The following NHSL1 variants were observed in gnomAD, a reference collection of about 807,000 sequenced individuals.
NHSL1 encodes NHS-like protein 1.
In NHSL1, 48 loss-of-function variants were observed where a neutral mutation model predicts 95.0. The observed-to-expected ratio is 0.51, with a 90% confidence interval of 0.40 to 0.64. The LOEUF (loss-of-function observed/expected upper bound fraction) is 0.64, where lower values mean the gene tolerates loss of function less well. Among genes scored for constraint, NHSL1 ranks in the 30% least tolerant of loss-of-function variants. The pLI, the probability that NHSL1 is intolerant of heterozygous loss-of-function variation, is 0.00. For synonymous variants in NHSL1, 783 were observed against 833.9 expected (o/e 0.94, Z 1.05); for missense variants, 1,971 against 2,077.7 (o/e 0.95, Z 1.00).
chr6:138,458,639 C>A (rs886553849), intron 3 of NHSL1, among the ~76,000 whole-genome samples: 3 of 151,902 alleles, frequency 2.0e-5, no homozygotes, highest in African/African-American at 4.8e-5. Flanking sequence ...CCATCCTGGC[C>A]ACATGGTGAA....
intron 2 of NHSL1, among the ~76,000 whole-genome samples, chr6:138,484,495 G>A (rs997510811): frequency 6.6e-6 from 1 of 152,142 alleles, no homozygotes; most frequent in African/African-American, 2.4e-5. Context: ...AAGAACCACA[G>A]AGGGAAAATA....
At chr6:138,627,526 T>C (rs1289340292) in intron 1 of NHSL1, among the ~76,000 whole-genome samples, 1 of 152,180 alleles carries the variant, frequency 6.6e-6, no homozygotes, top group Non-Finnish European at 1.5e-5. Context: ...GCTTCTTTAA[T>C]CGTCAGAAAA....
In NHSL1 at chr6:138,437,703, T is replaced by G. The variant is rs112349000; in HGVS notation, c.665-4023A>C. 1.9e-3 allele frequency among the ~76,000 whole-genome samples: 284 copies of G among 152,258 alleles called. 4 individuals carry two copies. Among genetic ancestry groups the G allele is most frequent in the African/African-American group, 6.6e-3 (276 of 41,546 alleles). On this transcript the variant is annotated intron_variant, in intron 5 of 7. Coordinates refer to ENST00000343505, the MANE Select transcript of NHSL1 (RefSeq NM_001144060.2). ...CTACTCTAGCACAGTAAGAACAATT[T>G]TAATTCATGGGAGAAGGTCAAAATA...
intron 1 of NHSL1, among the ~76,000 whole-genome samples, chr6:138,679,389 T>C (rs1011508331): frequency 2.0e-5 from 3 of 152,244 alleles, no homozygotes; most frequent in African/African-American, 4.8e-5. Context: ...AGGAGACAAC[T>C]AACTTTTTTG....
At chr6:138,604,198 G>A (rs1314021792) in intron 1 of NHSL1, among the ~76,000 whole-genome samples, 1 of 152,000 alleles carries the variant, frequency 6.6e-6, no homozygotes, top group Admixed American at 6.6e-5. Context: ...TTTCCCATCA[G>A]TCAACTAAAA....
intron 5 of NHSL1, among the ~76,000 whole-genome samples, chr6:138,437,407 C>CATATAT (rs1776232231): frequency 5.5e-5 from 4 of 73,254 alleles, no homozygotes; most frequent in African/African-American, 1.9e-4. Context: ...TATATATACA[C>CATATAT]ACATATACAC....
At chr6:138,589,925 C>A (rs1448331428) in intron 1 of NHSL1, among the ~76,000 whole-genome samples, 1 of 152,170 alleles carries the variant, frequency 6.6e-6, no homozygotes, top group Non-Finnish European at 1.5e-5. Context: ...AATGAAGACA[C>A]TGAATGTGCT....
At chr6:138,650,563 G>A (rs4506059) in intron 1 of NHSL1, 13,477 of 593,956 alleles carry the variant, frequency 0.023, 617 homozygotes, top group African/African-American at 0.13. Context: ...CCCAGGAGGT[G>A]AGGGATTAAT....
chr6:138,474,657 G>A lies in NHSL1; in HGVS notation c.212-1224C>T, dbSNP rs1008672003. On this transcript the variant is annotated intron_variant, in intron 2 of 7. Coordinates refer to ENST00000343505, the MANE Select transcript of NHSL1 (RefSeq NM_001144060.2). ...ACTAATACTACTTCAGTTACTTATAGGTCAAAAATGTTGTGGTCTGGGCTG... is the reference window on the plus strand; with the variant it reads ...ACTAATACTACTTCAGTTACTTATAAGTCAAAAATGTTGTGGTCTGGGCTG... 2.0e-5 allele frequency among the ~76,000 whole-genome samples: 3 copies of A among 152,212 alleles called. No individual in the cohort carries two copies. The East Asian group carries it at 5.8e-4, about 29-fold the overall frequency.
upstream of NHSL1, among the ~76,000 whole-genome samples, chr6:138,545,990 G>C (rs1489934316): frequency 2.6e-5 from 4 of 152,164 alleles, no homozygotes; most frequent in Non-Finnish European, 5.9e-5. Flanking sequence ...CACCACAGCG[G>C]ATGCAGCTCT....
intron 1 of NHSL1, among the ~76,000 whole-genome samples, chr6:138,594,556 T>G (rs1784276067): frequency 1.3e-5 from 2 of 152,148 alleles, no homozygotes; most frequent in Admixed American, 1.3e-4. Context: ...AGGGAGCTTT[T>G]CACTCCACAG....
upstream of NHSL1, among the ~76,000 whole-genome samples, chr6:138,572,837 G>T (rs561439516): frequency 6.1e-4 from 72 of 118,176 alleles, no homozygotes; most frequent in African/African-American, 2.4e-3. Flanking sequence ...TTGAGAAGGG[G>T]CTTAATACAG....
intron 1 of NHSL1, among the ~76,000 whole-genome samples, chr6:138,658,196 T>C (rs904790506): frequency 2.0e-5 from 3 of 152,168 alleles, no homozygotes; most frequent in African/African-American, 7.2e-5. Context: ...ATATTTAAGG[T>C]GTACAACACG....
At chr6:138,571,966 G>A (rs1471669119) in exon 1 of NHSL1, 2 of 1,475,508 alleles carry the variant, frequency 1.4e-6, no homozygotes, top group Non-Finnish European at 1.8e-6. Flanking sequence ...AAAACGCTGG[G>A]TTTTTTGCGT....
At chr6:138,441,798 C>CA (rs796783119) in intron 5 of NHSL1, among the ~76,000 whole-genome samples, 185 bp downstream of exon 5, 118 of 152,314 alleles carry the variant, frequency 7.7e-4, no homozygotes, top group African/African-American at 2.7e-3. Context: ...AAAATTCAAT[C>CA]AACTCTCTCT....
intron 1 of NHSL1, among the ~76,000 whole-genome samples, chr6:138,589,141 G>A (rs996318863): frequency 3.9e-5 from 6 of 152,134 alleles, no homozygotes; most frequent in African/African-American, 1.2e-4. Flanking sequence ...TAACATCTGA[G>A]GGTGGCTCAT....
intron 1 of NHSL1, among the ~76,000 whole-genome samples, chr6:138,683,982 G>A (rs1305360689): frequency 3.3e-5 from 5 of 152,018 alleles, no homozygotes; most frequent in African/African-American, 9.7e-5. Flanking sequence ...AGGCCAAGGC[G>A]AGCAGATCAC....
intron 1 of NHSL1, among the ~76,000 whole-genome samples, chr6:138,599,912 C>T (rs912033556): frequency 1.6e-4 from 24 of 151,712 alleles, no homozygotes; most frequent in East Asian, 5.8e-4. Context: ...GAGGCCGAGG[C>T]GGGTGGATCA....
Position 138,431,065 on chromosome 6 carries a change from C to G in NHSL1, c.3280G>C (p.Glu1094Gln). The change falls in exon 6 of 8, where the codon GAA (glutamate) becomes CAA (glutamine). Residue 1094 changes from glutamate to glutamine, a missense_variant. This residue lies in a region of NHSL1 where 1,602 missense variants were observed against 1,654.5 expected (regional missense o/e 0.97). Coordinates refer to ENST00000343505, the MANE Select transcript of NHSL1 (RefSeq NM_001144060.2). The surrounding 1 kb of genome is among the most constrained non-coding windows in gnomAD (Gnocchi z 4.0). ...GTTCGTTGTTCCTGAGCTGTTCGTT[C>G]AGACAACTGTGCCGCCTCAGCGCCT... ...NSGAEAAQLS[E>Q]RTAQEQRTPV... 1 of 1,552,034 alleles carries G rather than the reference C, an allele frequency of 6.4e-7. No homozygotes were observed. Among genetic ancestry groups the G allele is most frequent in the Non-Finnish European group, 8.7e-7 (1 of 1,147,070 alleles).
Sources: allele counts gnomAD v4.1 joint callset (sites outside exome capture counted in the v4.1 genomes callset), GRCh38; gene constraint gnomAD v4.1.1; regional missense constraint gnomAD v4.1.1; non-coding constraint Gnocchi (gnomAD v3.1); transcripts MANE v1.5; gene names NCBI Gene and HGNC (gene_info 2026-07-23, HGNC 2026-07-21).